TMEM132D: variants seen among roughly 807,000 people sequenced by gnomAD.
TMEM132D encodes mature OL transmembrane protein.
Under a neutral mutation model 62.3 loss-of-function variants are expected in TMEM132D, and 21 were observed. That is an observed-to-expected ratio of 0.34 (90% CI 0.24 to 0.49). The LOEUF (loss-of-function observed/expected upper bound fraction) is 0.49, where lower values mean the gene tolerates loss of function less well. Among genes scored for constraint, TMEM132D ranks in the 20% least tolerant of loss-of-function variants. The probability of loss-of-function intolerance (pLI) is 0.99; values close to 1 mark genes in which losing one functional copy is unlikely to be tolerated. For missense variants in TMEM132D, 1,346 were observed against 1,402.8 expected (o/e 0.96, Z 0.65); for synonymous variants, 621 against 575.6 (o/e 1.08, Z -1.13).
intron 2 of TMEM132D, among the ~76,000 whole-genome samples, chr12:129,572,291 C>T (rs1564766): frequency 0.31 from 47,874 of 152,128 alleles, 7,924 homozygotes; most frequent in Non-Finnish European, 0.34. Flanking sequence ...GCCTTGACGC[C>T]GCCTGTTGAA....
chr12:129,359,625 A>G (rs535259087), intron 3 of TMEM132D, among the ~76,000 whole-genome samples: 1 of 152,348 alleles, frequency 6.6e-6, no homozygotes, highest in African/African-American at 2.4e-5. Flanking sequence ...CTTCCAGGAA[A>G]AGCTGGCCAA....
intron 3 of TMEM132D, among the ~76,000 whole-genome samples, chr12:129,441,574 T>C (rs1872937780): frequency 6.6e-6 from 1 of 152,192 alleles, no homozygotes; most frequent in African/African-American, 2.4e-5. Flanking sequence ...AGAAATAGCC[T>C]GACTTCTGCT....
intron 2 of TMEM132D, among the ~76,000 whole-genome samples, chr12:129,659,958 G>A (rs1880193885): frequency 6.6e-6 from 1 of 152,188 alleles, no homozygotes; most frequent in South Asian, 2.1e-4. Flanking sequence ...CACTGATGCA[G>A]AAGAAGAACC....
intron 1 of TMEM132D, among the ~76,000 whole-genome samples, chr12:129,839,320 G>C (rs1487358759): frequency 6.6e-6 from 1 of 151,282 alleles, no homozygotes; most frequent in Non-Finnish European, 1.5e-5. Context: ...TAAAAACGGG[G>C]TTTCACTATG....
intron 1 of TMEM132D, among the ~76,000 whole-genome samples, chr12:129,847,216 G>C (rs1873391084): frequency 6.6e-6 from 1 of 152,166 alleles, no homozygotes; most frequent in South Asian, 2.1e-4. Context: ...CCTGGATGTT[G>C]ACTGGCCCAT....
At chr12:129,203,463 C>G (rs1430796350) in intron 5 of TMEM132D, among the ~76,000 whole-genome samples, 5 of 152,242 alleles carry the variant, frequency 3.3e-5, no homozygotes, top group Non-Finnish European at 7.3e-5. Flanking sequence ...TGTGGGAACT[C>G]AGCCAGTGGG....
chr12:129,774,899 C>T lies in TMEM132D; in HGVS notation c.80-74201G>A, dbSNP rs368738922. On this transcript the variant is annotated intron_variant, in intron 1 of 8. Transcript: ENST00000422113. ...GAGTAATGGATCTGTGACTCGGTTT[C>T]CCCAGCTGCAAAATGGAGATGATGA... Among the ~76,000 whole-genome samples the T allele has an allele frequency of 1.7e-3, 260 of 152,284 alleles. 1 individual carries two copies. Among genetic ancestry groups the T allele is most frequent in the Middle Eastern group, 6.8e-3 (2 of 294 alleles).
Position 129,295,427 on chromosome 12 carries a change from C to CTTT in TMEM132D, c.1299+42204_1299+42206dup, listed in dbSNP as rs556748373. Among the ~76,000 whole-genome samples, 220 of 123,014 alleles carry CTTT rather than the reference C, an allele frequency of 1.8e-3. 4 individuals are homozygous for CTTT. Among genetic ancestry groups the CTTT allele is most frequent in the South Asian group, 8.9e-3 (31 of 3,478 alleles). 80.7% of individuals were successfully genotyped at this position (123,014 alleles called of 152,430 possible). ...TCCCTGCCTCTGAAATCATATTAGCCTTTTTTTTTTTTTTTTTTTTGAGAC... is the reference window on the plus strand; with the variant it reads ...TCCCTGCCTCTGAAATCATATTAGCCTTTTTTTTTTTTTTTTTTTTTTTGAGAC... On this transcript the variant is annotated intron_variant, in intron 4 of 8. Transcript: ENST00000422113.
At chr12:129,655,513 C>A (rs961613253) in intron 2 of TMEM132D, among the ~76,000 whole-genome samples, 6 of 152,148 alleles carry the variant, frequency 3.9e-5, no homozygotes, top group Middle Eastern at 3.4e-3. Flanking sequence ...TCTCAAAGTG[C>A]TGGGATTACA....
rs2135601296 is a variant in TMEM132D at position 129,073,913 on chromosome 12, G to A, written c.3262C>T (p.Leu1088=). 6.4e-7 allele frequency: 1 copy of A among 1,573,674 alleles called. No individual in the cohort carries two copies. The highest frequency in any genetic ancestry group is 1.2e-5 in the South Asian group (1 of 83,930). ...QDLDPGDCKE[L]HNYMERLHEN... is the part of the protein sequence containing the mutation. ...TGTAACCTCTCCATGTAGTTGTGCA[G>A]CTCTTTGCAGTCCCCAGGGTCCAGA... Residue 1088 remains leucine (L), a synonymous_variant, in exon 9 of 9, where the codon CTG becomes TTG. Coordinates refer to ENST00000422113, the MANE Select transcript of TMEM132D (RefSeq NM_133448.3).
At chr12:129,212,753 A>G (rs944698543) in intron 4 of TMEM132D, 1 of 152,154 alleles carries the variant, frequency 6.6e-6, no homozygotes, top group Non-Finnish European at 1.5e-5. Context: ...GCCAGTAAGG[A>G]TCTCTGACAA....
At chr12:129,506,259 A>G (rs1875327428) in intron 3 of TMEM132D, among the ~76,000 whole-genome samples, 1 of 152,206 alleles carries the variant, frequency 6.6e-6, no homozygotes, top group Non-Finnish European at 1.5e-5. Context: ...TCTAGAATCA[A>G]TATTGTGAAA....
chr12:129,710,210 G>A (rs1371288820), intron 1 of TMEM132D, among the ~76,000 whole-genome samples: 1 of 152,104 alleles, frequency 6.6e-6, no homozygotes, highest in African/African-American at 2.4e-5. Context: ...GGTGGGATTT[G>A]GGGTGTTAAT....
intron 3 of TMEM132D, among the ~76,000 whole-genome samples, chr12:129,339,854 G>T (rs7953306): frequency 0.98 from 149,868 of 152,308 alleles, 73,773 homozygotes; most frequent in Middle Eastern, 1. Context: ...TGTGAACACC[G>T]GCATAAATGT....
At chr12:129,288,314 G>T (rs1266909348) in intron 4 of TMEM132D, among the ~76,000 whole-genome samples, 4 of 152,102 alleles carry the variant, frequency 2.6e-5, no homozygotes, top group African/African-American at 9.7e-5. Context: ...CTATGAAACG[G>T]GAAAATATTT....
chr12:129,155,580 C>A lies in TMEM132D; in HGVS notation c.1443+53940G>T, dbSNP rs112432263. Among the ~76,000 whole-genome samples the A allele has an allele frequency of 1.8e-4, 28 of 152,310 alleles. 1 individual carries two copies. The highest frequency in any genetic ancestry group is 6.3e-4 in the African/African-American group (26 of 41,568). On this transcript the variant is annotated intron_variant, in intron 5 of 8. Coordinates refer to ENST00000422113, the MANE Select transcript of TMEM132D (RefSeq NM_133448.3). ...GAAAAGACATTTATGTCTCACAGTT[C>A]TTGAGGCTGGGAAGCCCAATATTAA...
chr12:129,179,176 T>C (rs994875099), intron 5 of TMEM132D, among the ~76,000 whole-genome samples: 2 of 152,108 alleles, frequency 1.3e-5, no homozygotes, highest in African/African-American at 4.8e-5. Context: ...CAAAGGAGGA[T>C]GGAAAAAGCC....
chr12:129,085,390 G>C (rs1193252082), intron 5 of TMEM132D: 3 of 152,242 alleles, frequency 2.0e-5, no homozygotes, highest in Non-Finnish European at 4.4e-5. Context: ...TCTGAGGCCT[G>C]TCCTGCAGAA....
chr12:129,178,433 GT>G (rs60615317), intron 5 of TMEM132D, among the ~76,000 whole-genome samples: 2,595 of 140,902 alleles, frequency 0.018, 45 homozygotes, highest in East Asian at 0.056. Context: ...ACCAGCATCT[GT>G]TTTTTTTTTT....
Sources: gnomAD v4.1 joint callset for allele counts (sites outside exome capture counted in the v4.1 genomes callset) on GRCh38, gnomAD v4.1.1 for gene constraint, MANE v1.5 for transcripts, NCBI Gene and HGNC (gene_info 2026-07-23, HGNC 2026-07-21) for gene names.